The following DOCK8 variants were observed in gnomAD, a reference collection of about 807,000 sequenced individuals.
The protein encoded by DOCK8 is dedicator of cytokinesis 8.
Under a neutral mutation model 245.6 loss-of-function variants are expected in DOCK8, and 141 were observed. That is an observed-to-expected ratio of 0.57 (90% CI 0.50 to 0.66). DOCK8 has a LOEUF of 0.66. DOCK8 is among the 30% of genes least tolerant of loss of function. DOCK8 has a pLI of 0.00. For synonymous variants in DOCK8, 1,168 were observed against 970.2 expected (o/e 1.20, Z -3.79); for missense variants, 2,965 against 2,603.4 (o/e 1.14, Z -3.02).
chr9:211,322 G>T (rs913853833), upstream of DOCK8, among the ~76,000 whole-genome samples: 2 of 152,074 alleles, frequency 1.3e-5, no homozygotes, highest in African/African-American at 4.8e-5. Flanking sequence ...GAAAGGTAAA[G>T]AATAAAGCTG....
chr9:377,362 T>A, intron 20 of DOCK8, 151 bp downstream of exon 20: 2 of 487,772 alleles, frequency 4.1e-6, no homozygotes, highest in Non-Finnish European at 6.2e-6. Flanking sequence ...CTTATGCTAT[T>A]TTTTTTTTGA....
intron 2 of DOCK8, among the ~76,000 whole-genome samples, chr9:280,210 TTG>T (rs1166582431): frequency 6.6e-6 from 1 of 152,178 alleles, no homozygotes; most frequent in Non-Finnish European, 1.5e-5. Context: ...TAATTATTTT[TTG>T]TGTGTTTCTA....
At chr9:403,917 CATATATATATATGTGTATATA>C (rs2055253886) in intron 26 of DOCK8, among the ~76,000 whole-genome samples, 1 of 65,140 alleles carries the variant, frequency 1.5e-5, no homozygotes, top group African/African-American at 8.1e-5. Context: ...TATATATATA[CATATATATATATGTGTATATA>C]TATATGTGTA....
intron 46 of DOCK8, among the ~76,000 whole-genome samples, chr9:454,012 G>A (rs1264561165): frequency 2.0e-5 from 3 of 152,166 alleles, no homozygotes; most frequent in African/African-American, 7.2e-5. Flanking sequence ...GCCCTGCATG[G>A]CTGAATAATA....
Position 264,777 on chromosome 9 carries a change from C to G in DOCK8, c.54-6850C>G, listed in dbSNP as rs562664959. Among the ~76,000 whole-genome samples, 3 of 152,250 alleles carry G rather than the reference C, an allele frequency of 2.0e-5. No homozygotes were observed. The East Asian group carries it at 5.8e-4, about 29-fold the overall frequency. On this transcript the variant is annotated intron_variant, in intron 1 of 47. Coordinates refer to ENST00000432829, the MANE Select transcript of DOCK8 (RefSeq NM_203447.4). ...GCATCTCAGAAAAAGCCTTAGATTT[C>G]TTTTATGTGGTCAACTCCAGGAACT...
intron 1 of DOCK8, among the ~76,000 whole-genome samples, chr9:217,805 A>G (rs1330633591): frequency 6.6e-6 from 1 of 152,204 alleles, no homozygotes; most frequent in African/African-American, 2.4e-5. Context: ...CTTGTACAGA[A>G]GAGGAAAAGG....
At position 399,140 on chromosome 9, in the gene DOCK8, T is replaced by G. The variant is rs375848257; in HGVS notation, c.3121-6T>G. 1 of 1,613,736 alleles carries G rather than the reference T, an allele frequency of 6.2e-7. No individual in the cohort carries two copies. Among genetic ancestry groups the G allele is most frequent in the Non-Finnish European group, 8.5e-7 (1 of 1,179,830 alleles). Reference sequence around the variant, plus strand: ...AAAATGATTTGGGTGTTTGTTTGTTTTTAAGGAAAATGAACAGGCGGAAAA... The same window carrying G: ...AAAATGATTTGGGTGTTTGTTTGTTGTTAAGGAAAATGAACAGGCGGAAAA... On this transcript the variant is annotated splice_region_variant and splice_polypyrimidine_tract_variant and intron_variant, in intron 25 of 47. Coordinates refer to ENST00000432829, the MANE Select transcript of DOCK8 (RefSeq NM_203447.4).
intron 14 of DOCK8, among the ~76,000 whole-genome samples, chr9:342,691 AACTCCTG>A (rs1236244295): frequency 6.6e-6 from 1 of 151,928 alleles, no homozygotes; most frequent in Non-Finnish European, 1.5e-5. Context: ...GCTGGTCTTG[AACTCCTG>A]ACCTCGTGAT....
intron 2 of DOCK8, among the ~76,000 whole-genome samples, chr9:276,053 G>T (rs2992836): frequency 0.12 from 17,445 of 151,694 alleles, 1,351 homozygotes; most frequent in Non-Finnish European, 0.18. Flanking sequence ...GCCATGTCTG[G>T]CTAATTTTTG....
chr9:283,482 T>C (rs1247363007), intron 2 of DOCK8, among the ~76,000 whole-genome samples: 1 of 152,184 alleles, frequency 6.6e-6, no homozygotes, highest in African/African-American at 2.4e-5. Context: ...GTCTGGACTT[T>C]TAGTGTCTCC....
chr9:386,061 G>A (rs2053936863), intron 22 of DOCK8, among the ~76,000 whole-genome samples: 1 of 152,064 alleles, frequency 6.6e-6, no homozygotes, highest in African/African-American at 2.4e-5. Context: ...TCCTAGAAGG[G>A]ACTACTCAGC....
At chr9:323,743 G>A (rs966651646) in intron 7 of DOCK8, among the ~76,000 whole-genome samples, 2 of 152,194 alleles carry the variant, frequency 1.3e-5, no homozygotes, top group Non-Finnish European at 2.9e-5. Context: ...GGTGCCTCAT[G>A]TAAGGGGAAT....
intron 22 of DOCK8, among the ~76,000 whole-genome samples, chr9:384,439 C>T (rs1336358706): frequency 6.6e-6 from 1 of 152,130 alleles, no homozygotes; most frequent in East Asian, 1.9e-4. Context: ...AAATTCCAGC[C>T]ACTTGACACT....
intron 11 of DOCK8, among the ~76,000 whole-genome samples, chr9:335,216 T>C (rs2051253061): frequency 6.6e-6 from 1 of 152,212 alleles, no homozygotes; most frequent in African/African-American, 2.4e-5. Flanking sequence ...AGCATATTTC[T>C]TTTTCGTCAT....
intron 14 of DOCK8, among the ~76,000 whole-genome samples, chr9:342,359 T>C (rs983715437): frequency 2.6e-5 from 4 of 151,482 alleles, no homozygotes; most frequent in Non-Finnish European, 1.5e-5. Context: ...TCTTTCTACT[T>C]ACCCAGATTT....
At chr9:371,626 C>T in intron 17 of DOCK8, 60 bp downstream of exon 17, 12 of 1,606,638 alleles carry the variant, frequency 7.5e-6, no homozygotes, top group Non-Finnish European at 1.0e-5. Context: ...GAGGTCCCTG[C>T]AGAGATAAAC....
rs906901169 is a variant in DOCK8 at position 459,857 on chromosome 9, G to C, written c.6069-3660G>C. The C allele has an allele frequency of 3.9e-5, 6 of 152,212 alleles. No homozygotes were observed. The East Asian group carries it at 1.2e-3, about 29-fold the overall frequency. 9.4% of individuals were successfully genotyped at this position (152,212 alleles called of 1,614,324 possible). A position where few individuals can be genotyped will look rare whatever the true frequency, so the allele number is the denominator to read the frequency against. On this transcript the variant is annotated intron_variant, in intron 46 of 47. Coordinates refer to ENST00000432829, the MANE Select transcript of DOCK8 (RefSeq NM_203447.4). ...GGGTAACTAGACTTGTCACAGGATG[G>C]TTCAGAACTCTTATAGTACAGAACG...
chr9:421,151 A>C, intron 32 of DOCK8, 73 bp downstream of exon 32: 3 of 1,560,022 alleles, frequency 1.9e-6, no homozygotes, highest in Non-Finnish European at 2.7e-6. Context: ...ATGTCCTCCC[A>C]ACATGATTAG....
chr9:434,850 C>A lies in DOCK8; in HGVS notation c.4954C>A (p.His1652Asn). Residue 1652 changes from histidine to asparagine, a missense_variant, in exon 39 of 48, where the codon CAC becomes AAC. By Grantham distance (68) the His-to-Asn change is moderately conservative. Transcript: ENST00000432829. ...LTWLQNMAEKHTKKKCYTEAA... is the reference protein window; with the variant it reads ...LTWLQNMAEKNTKKKCYTEAA... ...CTGGCTCCAGAACATGGCAGAGAAA[C>A]ACACCAAGAAGAAGTGCTACACGGA... 6.2e-7 allele frequency: 1 copy of A among 1,614,150 alleles called. No individual in the cohort carries two copies. Among genetic ancestry groups the A allele is most frequent in the Non-Finnish European group, 8.5e-7 (1 of 1,180,044 alleles).
Sources: allele counts gnomAD v4.1 joint callset (sites outside exome capture counted in the v4.1 genomes callset), GRCh38; gene constraint gnomAD v4.1.1; transcripts MANE v1.5; gene names NCBI Gene and HGNC (gene_info 2026-07-23, HGNC 2026-07-21).